Variants in FGD4 observed in about 807,000 individuals in gnomAD.
FGD4 encodes the protein FYVE, RhoGEF and PH domain-containing protein 4.
Under a neutral mutation model 102.0 loss-of-function variants are expected in FGD4, and 42 were observed. The ratio of observed to expected loss-of-function variants is 0.41; its 90% CI spans 0.32 to 0.53. The LOEUF (loss-of-function observed/expected upper bound fraction) is 0.53, where lower values mean the gene tolerates loss of function less well. Among genes scored for constraint, FGD4 ranks in the 20% least tolerant of loss-of-function variants. FGD4 has a pLI of 0.21. For missense variants in FGD4, 902 were observed against 1,078.2 expected (o/e 0.84, Z 2.29); for synonymous variants, 380 against 375.7 (o/e 1.01, Z -0.13).
At chr12:32,419,045 G>A (rs1369316249) in intron 1 of FGD4, among the ~76,000 whole-genome samples, 1 of 152,100 alleles carries the variant, frequency 6.6e-6, no homozygotes, top group Non-Finnish European at 1.5e-5. Context: ...GATACTTAAA[G>A]CCTAAGGGCT....
In FGD4 at chr12:32,640,721, A is replaced by T; in HGVS notation, c.*188A>T. The stretch of plus-strand genomic sequence containing the variant: ...TAGTGTGCAGAGTCATTCTACCGAT[A>T]AAGTTTTGAAATAATGTGAAAACTG... On this transcript the variant is annotated 3_prime_UTR_variant, in exon 17 of 17. Coordinates refer to ENST00000534526, the MANE Select transcript of FGD4 (RefSeq NM_001370298.3). 1.3e-6 allele frequency: 1 copy of T among 798,964 alleles called. No individual in the cohort carries two copies. Among genetic ancestry groups the T allele is most frequent in the Non-Finnish European group, 1.9e-6 (1 of 515,148 alleles). The allele number at this position is 798,964 out of a possible 1,614,324, so 49.5% of individuals were successfully genotyped here.
intron 8 of FGD4, 144 bp from the exon 9 acceptor site, chr12:32,610,632 G>C: frequency 1.4e-6 from 1 of 703,480 alleles, no homozygotes. Context: ...ACTTTAGAAA[G>C]TATATACCGT....
intron 5 of FGD4, among the ~76,000 whole-genome samples, chr12:32,599,035 A>G (rs7962643): frequency 0.049 from 7,418 of 152,288 alleles, 633 homozygotes; most frequent in African/African-American, 0.17. Context: ...TTGAAAGTTC[A>G]CTTATTCGAC....
chr12:32,516,582 T>C (rs982050723), intron 1 of FGD4, among the ~76,000 whole-genome samples: 8 of 152,352 alleles, frequency 5.3e-5, no homozygotes, highest in African/African-American at 1.9e-4. Flanking sequence ...TGTAAATATA[T>C]ATGCTTACAT....
At chr12:32,422,735 T>C (rs1393059964) in intron 1 of FGD4, among the ~76,000 whole-genome samples, 1 of 152,174 alleles carries the variant, frequency 6.6e-6, no homozygotes, top group African/African-American at 2.4e-5. Context: ...CCTCCCCCTT[T>C]TCTAAATTAA....
intron 1 of FGD4, among the ~76,000 whole-genome samples, chr12:32,440,311 TTGAAA>T (rs1277311837): frequency 6.6e-6 from 1 of 152,208 alleles, no homozygotes; most frequent in Non-Finnish European, 1.5e-5. Flanking sequence ...TTTCAGGTAT[TTGAAA>T]GGATGTGGCT....
chr12:32,449,229 C>T (rs930887275), intron 1 of FGD4, among the ~76,000 whole-genome samples: 3 of 152,174 alleles, frequency 2.0e-5, no homozygotes, highest in South Asian at 4.1e-4. Flanking sequence ...CATGCACCTA[C>T]ATAGCTGTAA....
intron 1 of FGD4, among the ~76,000 whole-genome samples, chr12:32,561,075 G>GTTTT (rs1218919677): frequency 4.7e-5 from 4 of 85,152 alleles, no homozygotes; most frequent in Non-Finnish European, 6.6e-5. Flanking sequence ...GTTGGGTTTT[G>GTTTT]TTTTTTTTTT....
rs577841493 is a variant in FGD4, at chr12:32,596,795, C to T, written c.1012-1702C>T. The stretch of plus-strand genomic sequence containing the variant: ...TGCTAAAAATACAAAATTAGCCGGC[C>T]GTCGTGGTGCATGCCTGTAATCTCA... On this transcript the variant is annotated intron_variant, in intron 4 of 16. Coordinates refer to ENST00000534526, the MANE Select transcript of FGD4 (RefSeq NM_001370298.3). 2.0e-3 allele frequency among the ~76,000 whole-genome samples: 303 copies of T among 151,654 alleles called. 1 individual carries two copies. The highest frequency in any genetic ancestry group is 7.0e-3 in the African/African-American group (291 of 41,372).
intron 15 of FGD4, among the ~76,000 whole-genome samples, chr12:32,636,011 CTAA>C (rs147444731): frequency 0.32 from 46,235 of 146,576 alleles, 7,385 homozygotes; most frequent in South Asian, 0.4. Flanking sequence ...GACTCTGTCT[CTAA>C]TAATAATAAT....
At chr12:32,449,244 G>C (rs545723388) in intron 1 of FGD4, among the ~76,000 whole-genome samples, 1 of 152,210 alleles carries the variant, frequency 6.6e-6, no homozygotes, top group African/African-American at 2.4e-5. Flanking sequence ...CTGTAATATA[G>C]CTATCAAAAC....
At chr12:32,602,030 G>A in intron 6 of FGD4, 131 bp from the exon 7 acceptor site, 1 of 764,504 alleles carries the variant, frequency 1.3e-6, no homozygotes, top group Non-Finnish European at 2.2e-6. Context: ...CTGGAGGATT[G>A]ATTGAACCTG....
rs1178967461 is a variant in FGD4, at chr12:32,645,801, C to G, written c.*5268C>G. ...CGTATCTGGATTTTTCTTTTGAATT[C>G]TTGACTGATAAGTTTGAGAATGTAT... On this transcript the variant is annotated 3_prime_UTR_variant, in exon 17 of 17. Transcript: ENST00000534526. The G allele has an allele frequency of 6.6e-6, 1 of 152,142 alleles. No homozygotes were observed. The highest frequency in any genetic ancestry group is 2.1e-4 in the South Asian group (1 of 4,834). 9.4% of individuals were successfully genotyped at this position (152,142 alleles called of 1,614,324 possible).
chr12:32,560,242 CT>C (rs1944429254), intron 1 of FGD4, among the ~76,000 whole-genome samples: 1 of 152,138 alleles, frequency 6.6e-6, no homozygotes, highest in African/African-American at 2.4e-5. Flanking sequence ...TGTATTTCTT[CT>C]GTTTATAATT....
At chr12:32,539,032 T>C (rs1046031717) in intron 1 of FGD4, among the ~76,000 whole-genome samples, 1 of 151,912 alleles carries the variant, frequency 6.6e-6, no homozygotes, top group Non-Finnish European at 1.5e-5. Flanking sequence ...TCAGCCTAGG[T>C]GACAGAGGGA....
chr12:32,637,424 A>G (rs138131458), intron 15 of FGD4, among the ~76,000 whole-genome samples: 1,703 of 151,550 alleles, frequency 0.011, 24 homozygotes, highest in African/African-American at 0.037. Context: ...GTTAAACCCC[A>G]TCTCTACTAA....
At chr12:32,420,460 T>C (rs1941589054) in intron 1 of FGD4, among the ~76,000 whole-genome samples, 1 of 152,206 alleles carries the variant, frequency 6.6e-6, no homozygotes, top group South Asian at 2.1e-4. Flanking sequence ...TCTTTCCTTC[T>C]GTGCTGTCTT....
chr12:32,614,552 C>T (rs1347009787), intron 10 of FGD4, among the ~76,000 whole-genome samples: 2 of 152,094 alleles, frequency 1.3e-5, no homozygotes, highest in Non-Finnish European at 2.9e-5. Flanking sequence ...AGAAAAACAC[C>T]CAGGAAAGCT....
At chr12:32,574,039 A>G (rs1945918812) in intron 2 of FGD4, among the ~76,000 whole-genome samples, 1 of 152,272 alleles carries the variant, frequency 6.6e-6, no homozygotes, top group Non-Finnish European at 1.5e-5. Context: ...TTTAATAATT[A>G]TGCCACAAAT....
Sources: allele counts gnomAD v4.1 joint callset (sites outside exome capture counted in the v4.1 genomes callset), GRCh38; gene constraint gnomAD v4.1.1; transcripts MANE v1.5; gene names NCBI Gene and HGNC (gene_info 2026-07-23, HGNC 2026-07-21).